Variants in NR4A1 observed in about 807,000 individuals in gnomAD.
The protein encoded by NR4A1 is nuclear receptor subfamily 4immunitygroup A member 1.
NR4A1 carries 24 observed loss-of-function variants against 47.5 expected under a neutral mutation model. That is an observed-to-expected ratio of 0.50 (90% CI 0.37 to 0.71). NR4A1 has a LOEUF of 0.71. Ranked by LOEUF, NR4A1 falls within the 30% of genes least tolerant of loss-of-function variation. The pLI, the probability that NR4A1 is intolerant of heterozygous loss-of-function variation, is 0.00. For missense variants in NR4A1, 669 were observed against 788.6 expected, an observed-to-expected ratio of 0.85 and a Z score of 1.82; for synonymous variants, 353 against 345.7, an observed-to-expected ratio of 1.02 and a Z score of -0.24.
chr12:52,033,728 T>A (rs1938180491), intron 1 of NR4A1, among the ~76,000 whole-genome samples: 1 of 152,148 alleles, frequency 6.6e-6, no homozygotes, highest in African/African-American at 2.4e-5. Context: ...CGTCTTTGTG[T>A]CTCTATTTTT....
rs761494977 is a variant in NR4A1, at chr12:52,052,302, TGTGA to T, written c.-3+736_-3+739del. 1.4e-3 allele frequency among the ~76,000 whole-genome samples: 145 copies of T among 103,762 alleles called. 1 individual carries two copies. The highest frequency in any genetic ancestry group is 2.6e-3 in the South Asian group (8 of 3,132). The allele number at this position is 103,762 out of a possible 152,430, so 68.1% of individuals were successfully genotyped here. The stretch of plus-strand genomic sequence containing the variant: ...GTGTGTGTGTGTGTGTGTGTGTGTG[TGTGA>T]GAGAGAGAGAGAGAGAGAGAGAAAG... On this transcript the variant is annotated intron_variant, in intron 1 of 6. Coordinates refer to ENST00000394825, the MANE Select transcript of NR4A1 (RefSeq NM_173157.3).
rs745719123 is a variant in NR4A1, at chr12:52,054,580, G to A, written c.252G>A (p.Ser84=). The change falls in exon 2 of 7, where the codon TCG becomes TCA. Residue 84 remains serine, a synonymous_variant. Coordinates refer to ENST00000394825, the MANE Select transcript of NR4A1 (RefSeq NM_173157.3). ...TVQPCSSASS[S]ASSTSSSSAT... The stretch of plus-strand genomic sequence containing the variant: ...AGCCATGCTCCTCAGCCTCCTCCTC[G>A]GCCTCCTCCACATCCTCGTCCTCAG... The A allele has an allele frequency of 1.7e-5, 28 of 1,613,818 alleles. No homozygotes were observed. Among genetic ancestry groups the A allele is most frequent in the Admixed American group, 6.7e-5 (4 of 59,980 alleles).
chr12:52,035,760 T>G (rs1169556269), intron 1 of NR4A1, among the ~76,000 whole-genome samples: 2 of 152,092 alleles, frequency 1.3e-5, no homozygotes, highest in African/African-American at 4.8e-5. Context: ...GAAAGGGAAT[T>G]CTGAGTTGCG....
chr12:52,056,693 C>T (rs377741983), intron 4 of NR4A1, 48 bp downstream of exon 4: 16 of 1,506,102 alleles, frequency 1.1e-5, no homozygotes, highest in Admixed American at 2.4e-5. Context: ...TGAGCACATG[C>T]AGTGCCTTTG....
intron 1 of NR4A1, among the ~76,000 whole-genome samples, chr12:52,032,714 C>T (rs1428632875): frequency 6.6e-6 from 1 of 152,172 alleles, no homozygotes; most frequent in Non-Finnish European, 1.5e-5. Context: ...TTTCTTATTT[C>T]TTCCTTCCCC....
chr12:52,027,420 T>A (rs1287915270), intron 1 of NR4A1, among the ~76,000 whole-genome samples: 1 of 152,170 alleles, frequency 6.6e-6, no homozygotes, highest in East Asian at 1.9e-4. Flanking sequence ...ATGGTTCGAG[T>A]GCCCGCAGGA....
chr12:52,056,690 A>C (rs973097762), intron 4 of NR4A1, 45 bp downstream of exon 4: 1 of 1,399,670 alleles, frequency 7.1e-7, no homozygotes, highest in Non-Finnish European at 9.4e-7. Flanking sequence ...CTATGAGCAC[A>C]TGCAGTGCCT....
chr12:52,043,588 A>G (rs1302507254), intron 2 of NR4A1: 1 of 779,868 alleles, frequency 1.3e-6, no homozygotes, highest in African/African-American at 1.9e-5. Context: ...TCAGCTGACT[A>G]TTTTGGGCTC....
chr12:52,037,652 C>T (rs919879325), intron 1 of NR4A1: 2 of 985,364 alleles, frequency 2.0e-6, no homozygotes, highest in African/African-American at 3.5e-5. Flanking sequence ...CCCCAGTCCG[C>T]CAAGGGTGGG....
intron 1 of NR4A1, among the ~76,000 whole-genome samples, chr12:52,036,272 C>T (rs1417545941): frequency 6.6e-6 from 1 of 152,094 alleles, no homozygotes; most frequent in Admixed American, 6.5e-5. Flanking sequence ...CCTGCACCCC[C>T]AGGAAAATTC....
intron 4 of NR4A1, 118 bp downstream of exon 4, chr12:52,056,763 G>A: frequency 2.4e-6 from 1 of 417,664 alleles, no homozygotes; most frequent in East Asian, 6.7e-5. Context: ...GTTTAAAAAA[G>A]AAAGAAAGAA....
At chr12:52,043,806 C>G in intron 2 of NR4A1, 1 of 1,288,302 alleles carries the variant, frequency 7.8e-7, no homozygotes, top group Non-Finnish European at 1.0e-6. Flanking sequence ...CCACAGGGCT[C>G]CCTGAGACCA....
In NR4A1 at chr12:52,054,910, T is replaced by C. The variant is rs1400542430; in HGVS notation, c.582T>C (p.Pro194=). 6.2e-7 allele frequency: 1 copy of C among 1,614,090 alleles called. No individual in the cohort carries two copies. Among genetic ancestry groups the C allele is most frequent in the East Asian group, 2.2e-5 (1 of 44,872 alleles). ...PQPPAFFSFS[P]PTGPSPSLAQ... ...CTCCAGCCTTCTTTTCCTTCAGTCC[T>C]CCCACCGGCCCCAGCCCCAGCCTGG... Residue 194 remains proline, a synonymous_variant, in exon 2 of 7, where the codon CCT becomes CCC. Transcript: ENST00000394825.
At chr12:52,038,498 G>A (rs894278422) in intron 1 of NR4A1, 25 of 528,588 alleles carry the variant, frequency 4.7e-5, no homozygotes, top group African/African-American at 7.6e-5. Flanking sequence ...GGAAAACACA[G>A]GCTGGGCAGA....
At chr12:52,028,762 G>A (rs141122176) in intron 1 of NR4A1, among the ~76,000 whole-genome samples, 3,845 of 151,972 alleles carry the variant, frequency 0.025, 68 homozygotes, top group African/African-American at 0.058. Context: ...AAATTAGCTG[G>A]GCGTGGTGGT....
intron 1 of NR4A1, among the ~76,000 whole-genome samples, chr12:52,030,967 C>T (rs1212691539): frequency 6.6e-6 from 1 of 152,084 alleles, no homozygotes; most frequent in African/African-American, 2.4e-5. Flanking sequence ...TTACTGTTTC[C>T]TCTCCCTGCA....
intron 1 of NR4A1, among the ~76,000 whole-genome samples, chr12:52,027,640 G>A (rs1446924537): frequency 6.6e-6 from 1 of 152,204 alleles, no homozygotes; most frequent in Non-Finnish European, 1.5e-5. Context: ...TGAGAAACTC[G>A]GGGTGCACGT....
rs571670097 is a variant in NR4A1 at position 52,056,057 on chromosome 12, A to G, written c.904A>G (p.Ile302Val). The G allele has an allele frequency of 3.1e-6, 5 of 1,598,780 alleles. No homozygotes were observed. In the African/African-American group the frequency reaches 6.8e-5, roughly 22 times the overall value. ...KRTVQKNAKY[I>V]CLANKDCPVD... The stretch of plus-strand genomic sequence containing the variant: ...CACAGTGCAGAAAAACGCCAAGTAC[A>G]TCTGCCTGGCTAACAAGGACTGCCC... Residue 302 changes from isoleucine (I) to valine (V), a missense_variant, in exon 3 of 7, where the codon ATC (isoleucine) becomes GTC (valine). Coordinates refer to ENST00000394825, the MANE Select transcript of NR4A1 (RefSeq NM_173157.3).
chr12:52,056,588 C>T lies in NR4A1; in HGVS notation c.1101C>T (p.Ser367=), dbSNP rs1652363239. Residue 367 remains serine, a synonymous_variant, in exon 4 of 7, where the codon TCC becomes TCT. Coordinates refer to ENST00000394825, the MANE Select transcript of NR4A1 (RefSeq NM_173157.3). The part of the protein sequence containing the change: ...PDASPANLLT[S]LVRAHLDSGP... ...CCTCCCCTGCCAATCTCCTCACTTC[C>T]CTGGTCCGTGCACACCTGGACTCAG... The T allele has an allele frequency of 6.2e-7, 1 of 1,613,760 alleles. No individual in the cohort carries two copies. Among genetic ancestry groups the T allele is most frequent in the Non-Finnish European group, 8.5e-7 (1 of 1,179,874 alleles).
Sources: allele counts gnomAD v4.1 joint callset (sites outside exome capture counted in the v4.1 genomes callset), GRCh38; gene constraint gnomAD v4.1.1; transcripts MANE v1.5; gene names NCBI Gene and HGNC (gene_info 2026-07-23, HGNC 2026-07-21).